HDHD2: variants seen among roughly 807,000 people sequenced by gnomAD.
HDHD2 encodes the protein haloacid dehalogenase-like hydrolase domain-containing protein 2.
HDHD2 carries 26 observed loss-of-function variants against 24.8 expected under a neutral mutation model. The observed-to-expected ratio is 1.05, with a 90% CI of 0.77 to 1.45. The LOEUF is 1.45. Ranked by LOEUF, HDHD2 falls within the 40% of genes most tolerant of loss-of-function variation. The pLI is 0.00. For synonymous variants in HDHD2, 128 were observed against 114.9 expected, an observed-to-expected ratio of 1.11 and a Z score of -0.73; for missense variants, 299 against 313.4, an observed-to-expected ratio of 0.95 and a Z score of 0.35.
At chr18:47,111,780 C>A in intron 6 of HDHD2, 2 of 985,184 alleles carry the variant, frequency 2.0e-6, no homozygotes, top group Non-Finnish European at 2.4e-6. Context: ...ATCTACATTT[C>A]TTGTTTCTAT....
chr18:47,142,330 C>G (rs182575848), intron 1 of HDHD2, among the ~76,000 whole-genome samples: 2 of 151,470 alleles, frequency 1.3e-5, no homozygotes, highest in South Asian at 2.1e-4. Context: ...AACTAGATAT[C>G]TACCTAATAT....
Position 47,121,392 on chromosome 18 carries a change from T to C in HDHD2, c.396-6044A>G, listed in dbSNP as rs191449905. Among the ~76,000 whole-genome samples the C allele has an allele frequency of 7.0e-4, 107 of 152,290 alleles. 1 individual carries two copies. Among genetic ancestry groups the C allele is most frequent in the African/African-American group, 2.5e-3 (103 of 41,568 alleles). ...CCAGAACCCTATCAGTCATACTTGA[T>C]TTCTCAATTTCTCCCACCACCTCCA... On this transcript the variant is annotated intron_variant, in intron 4 of 6. Transcript: ENST00000300605.
At chr18:47,108,830 G>A (rs1380925035) in intron 6 of HDHD2, 45 bp from the exon 7 acceptor site, 1 of 1,208,652 alleles carries the variant, frequency 8.3e-7, no homozygotes, top group Admixed American at 1.7e-5. Context: ...CCACCAGAAT[G>A]CTAAATTAAT....
At chr18:47,144,094 C>T (rs1765734660) in intron 1 of HDHD2, among the ~76,000 whole-genome samples, 1 of 151,744 alleles carries the variant, frequency 6.6e-6, no homozygotes, top group South Asian at 2.1e-4. Flanking sequence ...TGCACGCATG[C>T]GCATGTGTGT....
chr18:47,113,131 A>C lies in HDHD2; in HGVS notation c.613-91T>G, dbSNP rs1316585356. ...ACTGATTTATTAGGCTAGGGTGTCC[A>C]ACTGTAATGCCATGTTTTTTATTGA... On this transcript the variant is annotated intron_variant, in intron 5 of 6. Transcript: ENST00000300605. The C allele has an allele frequency of 5.1e-6, 5 of 987,296 alleles. No individual in the cohort carries two copies. In the East Asian group the frequency reaches 1.2e-4, roughly 24 times the overall value. 61.2% of individuals were successfully genotyped at this position (987,296 alleles called of 1,614,324 possible).
intron 3 of HDHD2, 51 bp downstream of exon 3, chr18:47,134,445 T>G (rs776985726): frequency 7.9e-7 from 1 of 1,267,642 alleles, no homozygotes; most frequent in Non-Finnish European, 1.1e-6. Context: ...TAAAAATGAT[T>G]TGTAAGTACA....
In HDHD2 at chr18:47,108,065, A is replaced by T. The variant is rs2063487978; in HGVS notation, c.*617T>A. On this transcript the variant is annotated 3_prime_UTR_variant, in exon 7 of 7. Coordinates refer to ENST00000300605, the MANE Select transcript of HDHD2 (RefSeq NM_032124.5). ...AATTAAAATCTGGTTCTAAATTTAA[A>T]TTAGTCATCTCTGGCTAATGAAGAG... 1.3e-5 allele frequency: 2 copies of T among 152,688 alleles called. No homozygotes were observed. The highest frequency in any genetic ancestry group is 4.8e-5 in the African/African-American group (2 of 41,460). 9.5% of individuals were successfully genotyped at this position (152,688 alleles called of 1,614,324 possible). A position where few individuals can be genotyped will look rare whatever the true frequency, so the allele number is the denominator to read the frequency against.
intron 3 of HDHD2, among the ~76,000 whole-genome samples, chr18:47,130,950 G>C (rs1193082022): frequency 6.6e-6 from 1 of 152,102 alleles, no homozygotes. Flanking sequence ...AATCAAACGA[G>C]TACATTCTCC....
chr18:47,145,310 C>T (rs1160083047), intron 1 of HDHD2, among the ~76,000 whole-genome samples: 1 of 152,242 alleles, frequency 6.6e-6, no homozygotes, highest in Non-Finnish European at 1.5e-5. Flanking sequence ...ATAGCCAAGA[C>T]ACTTCGGCCA....
At chr18:47,126,656 A>G (rs2063661217) in intron 4 of HDHD2, among the ~76,000 whole-genome samples, 1 of 152,164 alleles carries the variant, frequency 6.6e-6, no homozygotes, top group Non-Finnish European at 1.5e-5. Flanking sequence ...AGGTATAACG[A>G]TATTTTAATA....
chr18:47,122,229 A>C (rs1163267989), intron 4 of HDHD2, among the ~76,000 whole-genome samples: 1 of 152,226 alleles, frequency 6.6e-6, no homozygotes, highest in Non-Finnish European at 1.5e-5. Flanking sequence ...TTTTATTCAT[A>C]AATGTAGGAA....
At chr18:47,134,836 C>G in intron 2 of HDHD2, 132 bp from the exon 3 acceptor site, 1 of 675,148 alleles carries the variant, frequency 1.5e-6, no homozygotes, top group Non-Finnish European at 2.6e-6. Flanking sequence ...TCTTGCCCCT[C>G]CAGAATGGCA....
chr18:47,137,146 A>C, intron 1 of HDHD2: 1 of 725,346 alleles, frequency 1.4e-6, no homozygotes, highest in South Asian at 1.4e-5. Context: ...TTGGTAAACT[A>C]ATGAAAGACT....
At chr18:47,143,925 A>G (rs2063842745) in intron 1 of HDHD2, among the ~76,000 whole-genome samples, 1 of 152,220 alleles carries the variant, frequency 6.6e-6, no homozygotes, top group African/African-American at 2.4e-5. Context: ...ACTTTGAAAG[A>G]GTAAACATTT....
At position 47,108,618 on chromosome 18, in the gene HDHD2, G is replaced by T; in HGVS notation, c.*64C>A. The T allele has an allele frequency of 1.2e-6, 1 of 858,462 alleles. No homozygotes were observed. 53.2% of individuals were successfully genotyped at this position (858,462 alleles called of 1,614,324 possible). ...GTCTACCGATGCTGGCACTGAGTTG[G>T]TAAGGGATTCATTCCAGACAATAAG... On this transcript the variant is annotated 3_prime_UTR_variant, in exon 7 of 7. Coordinates refer to ENST00000300605, the MANE Select transcript of HDHD2 (RefSeq NM_032124.5).
rs944590608 is a variant in HDHD2 at position 47,147,826 on chromosome 18, CT to C, written c.-11+2551del. On this transcript the variant is annotated intron_variant, in intron 1 of 6. Coordinates refer to ENST00000300605, the MANE Select transcript of HDHD2 (RefSeq NM_032124.5). ...CGTACCTTTTAAACTCTAAAATGCT[CT>C]TCTGGAGCACCACATATTTGAGAGT... is the stretch of plus-strand genomic sequence containing the variant. Among the ~76,000 whole-genome samples, 4 of 152,264 alleles carry C rather than the reference CT, an allele frequency of 2.6e-5. No homozygotes were observed. The East Asian group carries it at 7.7e-4, about 29-fold the overall frequency.
intron 6 of HDHD2, chr18:47,111,851 T>C: frequency 1.0e-6 from 1 of 977,844 alleles, no homozygotes; most frequent in Non-Finnish European, 1.2e-6. Context: ...ATAGTCACTT[T>C]TTCTAAAAAA....
chr18:47,145,312 C>G (rs2063858454), intron 1 of HDHD2, among the ~76,000 whole-genome samples: 1 of 152,228 alleles, frequency 6.6e-6, no homozygotes, highest in South Asian at 2.1e-4. Flanking sequence ...AGCCAAGACA[C>G]TTCGGCCAAG....
intron 5 of HDHD2, among the ~76,000 whole-genome samples, chr18:47,114,879 A>G (rs1047749744): frequency 2.6e-5 from 4 of 151,434 alleles, no homozygotes; most frequent in African/African-American, 9.7e-5. Flanking sequence ...AGTTAACTAC[A>G]TATATATATG....
Sources: allele counts gnomAD v4.1 joint callset (sites outside exome capture counted in the v4.1 genomes callset), GRCh38; gene constraint gnomAD v4.1.1; transcripts MANE v1.5; gene names NCBI Gene and HGNC (gene_info 2026-07-23, HGNC 2026-07-21).